The following CCSER1 variants were observed in gnomAD, a reference collection of about 807,000 sequenced individuals.
CCSER1 encodes serine-rich coiled-coil domain-containing protein 1.
In CCSER1, 41 loss-of-function variants were observed where a neutral mutation model predicts 82.0. The ratio of observed to expected loss-of-function variants is 0.50; its 90% CI spans 0.39 to 0.65. CCSER1 has a LOEUF of 0.65. CCSER1 is among the 30% of genes least tolerant of loss of function. The pLI, the probability that CCSER1 is intolerant of heterozygous loss-of-function variation, is 0.00. For missense variants in CCSER1, 1,119 were observed against 1,064.2 expected (o/e 1.05, Z -0.72); for synonymous variants, 414 against 383.9 (o/e 1.08, Z -0.92).
At chr4:90,555,955 A>G (rs1778075689) in intron 5 of CCSER1, among the ~76,000 whole-genome samples, 1 of 152,152 alleles carries the variant, frequency 6.6e-6, no homozygotes, top group Non-Finnish European at 1.5e-5. Flanking sequence ...CTAATATTTT[A>G]CCAATTGGCA....
intron 10 of CCSER1, among the ~76,000 whole-genome samples, chr4:91,427,175 A>G (rs887476256): frequency 6.6e-6 from 1 of 152,102 alleles, no homozygotes; most frequent in Non-Finnish European, 1.5e-5. Context: ...CATCACCACC[A>G]CCACATTTAT....
At chr4:91,244,459 C>A (rs1042060718) in intron 10 of CCSER1, among the ~76,000 whole-genome samples, 3 of 152,130 alleles carry the variant, frequency 2.0e-5, no homozygotes, top group Admixed American at 2.0e-4. Context: ...ATCCCCAGGT[C>A]CAGGTGTCTA....
chr4:91,583,306 T>C (rs559669711), intron 10 of CCSER1, among the ~76,000 whole-genome samples: 3 of 151,422 alleles, frequency 2.0e-5, no homozygotes, highest in Non-Finnish European at 4.4e-5. Flanking sequence ...CTCTATAATA[T>C]GCTATGCAAA....
At chr4:90,472,223 T>C (rs377354966) in intron 5 of CCSER1, among the ~76,000 whole-genome samples, 10 of 152,268 alleles carry the variant, frequency 6.6e-5, no homozygotes, top group African/African-American at 2.4e-4. Context: ...TAAGAATAAC[T>C]GAAATAGTCA....
rs73837277 is a variant in CCSER1 at position 91,123,248 on chromosome 4, C to T, written c.2217+37254C>T. On this transcript the variant is annotated intron_variant, in intron 10 of 10. Transcript: ENST00000509176. ...TCATTTTGTCTCATTATTTGCAGTT[C>T]GATTAGTCAGATTCATTATAGCACT... Among the ~76,000 whole-genome samples, 728 of 151,432 alleles carry T rather than the reference C, an allele frequency of 4.8e-3. 9 individuals are homozygous for T. The highest frequency in any genetic ancestry group is 0.015 in the African/African-American group (620 of 41,392).
chr4:90,667,889 C>T (rs890293728), intron 6 of CCSER1, among the ~76,000 whole-genome samples: 6 of 152,098 alleles, frequency 3.9e-5, no homozygotes, highest in African/African-American at 1.4e-4. Flanking sequence ...GACAAATAAA[C>T]AGTTTTTAGA....
chr4:91,312,045 C>G (rs1291692961), intron 10 of CCSER1, among the ~76,000 whole-genome samples: 1 of 151,714 alleles, frequency 6.6e-6, no homozygotes, highest in Non-Finnish European at 1.5e-5. Flanking sequence ...TAAAAAACAT[C>G]AAACATGTGA....
intron 10 of CCSER1, among the ~76,000 whole-genome samples, chr4:91,337,615 T>C (rs1227317768): frequency 6.6e-6 from 1 of 152,054 alleles, no homozygotes; most frequent in Non-Finnish European, 1.5e-5. Flanking sequence ...AGTTCCTCTT[T>C]TGGAGTATTT....
intron 9 of CCSER1, among the ~76,000 whole-genome samples, chr4:90,965,593 C>T (rs1053894313): frequency 2.0e-5 from 3 of 152,022 alleles, no homozygotes; most frequent in African/African-American, 4.8e-5. Context: ...CCACCAGGGA[C>T]TTCAGTGAAC....
chr4:90,167,844 T>A (rs1730802533), intron 1 of CCSER1, among the ~76,000 whole-genome samples: 1 of 152,122 alleles, frequency 6.6e-6, no homozygotes, highest in African/African-American at 2.4e-5. Flanking sequence ...ATGGTGTATA[T>A]GTGCCACATT....
chr4:91,384,211 G>T (rs1751121736), intron 10 of CCSER1, among the ~76,000 whole-genome samples: 1 of 151,552 alleles, frequency 6.6e-6, no homozygotes. Context: ...TTTACTGGAA[G>T]ATAGAAAACC....
chr4:91,236,752 G>A (rs773184439), intron 10 of CCSER1, among the ~76,000 whole-genome samples: 5 of 152,112 alleles, frequency 3.3e-5, no homozygotes, highest in Non-Finnish European at 4.4e-5. Context: ...TTATTTCAGA[G>A]GCAAGATAAA....
At chr4:91,216,439 C>G (rs1191099654) in intron 10 of CCSER1, among the ~76,000 whole-genome samples, 3 of 152,130 alleles carry the variant, frequency 2.0e-5, no homozygotes, top group Non-Finnish European at 2.9e-5. Flanking sequence ...CCTGCCTCAG[C>G]CTCCCGAATA....
chr4:90,793,800 T>G (rs2149671829), intron 7 of CCSER1, among the ~76,000 whole-genome samples: 1 of 152,348 alleles, frequency 6.6e-6, no homozygotes, highest in South Asian at 2.1e-4. Context: ...CGTATAAGCA[T>G]TTCGTGTCCT....
At chr4:91,590,530 A>G (rs1194365763) in intron 10 of CCSER1, among the ~76,000 whole-genome samples, 1 of 152,088 alleles carries the variant, frequency 6.6e-6, no homozygotes, top group Non-Finnish European at 1.5e-5. Context: ...GAGAACTTCT[A>G]TTTCTCAGTG....
At chr4:90,503,682 G>C (rs569092168) in intron 5 of CCSER1, among the ~76,000 whole-genome samples, 10 of 151,932 alleles carry the variant, frequency 6.6e-5, no homozygotes, top group Non-Finnish European at 1.0e-4. Flanking sequence ...TTCTCCTTGC[G>C]ATAGTTTGCT....
At chr4:91,480,799 G>A (rs1252446416) in intron 10 of CCSER1, among the ~76,000 whole-genome samples, 1 of 152,160 alleles carries the variant, frequency 6.6e-6, no homozygotes, top group Non-Finnish European at 1.5e-5. Context: ...GATAGAACGT[G>A]ACACTTCTTA....
chr4:90,754,672 C>T (rs2149494855), intron 7 of CCSER1, among the ~76,000 whole-genome samples: 1 of 152,122 alleles, frequency 6.6e-6, no homozygotes, highest in East Asian at 1.9e-4. Context: ...TTGTATATAC[C>T]CATTTCTTCC....
At chr4:90,685,230 T>A (rs1180121970) in intron 6 of CCSER1, among the ~76,000 whole-genome samples, 2 of 151,928 alleles carry the variant, frequency 1.3e-5, no homozygotes, top group Admixed American at 1.3e-4. Flanking sequence ...GGTGATCACA[T>A]CAACTTCAGG....
Sources: gnomAD v4.1 joint callset for allele counts (sites outside exome capture counted in the v4.1 genomes callset) on GRCh38, gnomAD v4.1.1 for gene constraint, MANE v1.5 for transcripts, NCBI Gene and HGNC (gene_info 2026-07-23, HGNC 2026-07-21) for gene names.